The following ATF2 variants were observed in gnomAD, a reference collection of about 807,000 sequenced individuals.
ATF2 encodes the protein cyclic AMP-dependent transcription factor ATF-2.
In ATF2, 24 loss-of-function variants were observed where a neutral mutation model predicts 60.6. The observed-to-expected ratio is 0.40, with a 90% confidence interval of 0.29 to 0.56. ATF2 has a LOEUF of 0.56. Ranked by LOEUF, ATF2 falls within the 20% of genes least tolerant of loss-of-function variation. The pLI, the probability that ATF2 is intolerant of heterozygous loss-of-function variation, is 0.54. For missense variants in ATF2, 433 were observed against 607.7 expected, an observed-to-expected ratio of 0.71 and a Z score of 3.02; for synonymous variants, 206 against 215.4, an observed-to-expected ratio of 0.96 and a Z score of 0.38.
intron 8 of ATF2, 91 bp from the exon 9 acceptor site, chr2:175,114,199 T>C (rs950659515): frequency 6.9e-7 from 1 of 1,439,390 alleles, no homozygotes; most frequent in African/African-American, 1.5e-5. Context: ...CCTATAATCA[T>C]ATCATTTAAA....
chr2:175,134,845 G>A (rs369914313), intron 3 of ATF2, among the ~76,000 whole-genome samples: 2 of 151,464 alleles, frequency 1.3e-5, no homozygotes, highest in African/African-American at 2.4e-5. Flanking sequence ...AGCCACTTGT[G>A]GTAGTGTCGT....
intron 1 of ATF2, among the ~76,000 whole-genome samples, chr2:175,158,087 A>G (rs1332297003): frequency 3.9e-5 from 6 of 152,102 alleles, no homozygotes; most frequent in Non-Finnish European, 7.4e-5. Flanking sequence ...GACTATCTTC[A>G]TACATTCCTG....
In ATF2 at chr2:175,151,400, C is replaced by T. The variant is rs571446886; in HGVS notation, c.-142-242G>A. Among the ~76,000 whole-genome samples, 5 of 152,176 alleles carry T rather than the reference C, an allele frequency of 3.3e-5. No individual in the cohort carries two copies. The South Asian group carries it at 1.0e-3, about 32-fold the overall frequency. On this transcript the variant is annotated intron_variant, in intron 1 of 13. Coordinates refer to ENST00000264110, the MANE Select transcript of ATF2 (RefSeq NM_001880.4). ...GCCTCCCGTAACTCCTGGCATATTA[C>T]CACCTATTAGAGGTATTAACAATTT... is the stretch of plus-strand genomic sequence containing the variant.
intron 4 of ATF2, chr2:175,127,232 C>A (rs1697398911): frequency 6.6e-6 from 1 of 150,380 alleles, no homozygotes; most frequent in African/African-American, 2.5e-5. Context: ...GAGTGAGACC[C>A]TGTCTCGAGA....
At chr2:175,089,651 G>A (rs561384350) in intron 12 of ATF2, among the ~76,000 whole-genome samples, 13 of 152,184 alleles carry the variant, frequency 8.5e-5, no homozygotes, top group African/African-American at 2.4e-4. Flanking sequence ...TCTATTATAG[G>A]CATGTTAACT....
intron 2 of ATF2, among the ~76,000 whole-genome samples, chr2:175,142,953 C>G (rs184946989): frequency 6.6e-6 from 1 of 152,152 alleles, no homozygotes; most frequent in East Asian, 1.9e-4. Flanking sequence ...CTCAAGTGAT[C>G]TTCCCGCCTC....
intron 4 of ATF2, among the ~76,000 whole-genome samples, chr2:175,125,032 C>T (rs1464945792): frequency 6.6e-6 from 1 of 152,038 alleles, no homozygotes; most frequent in Non-Finnish European, 1.5e-5. Flanking sequence ...TTCTATAGGA[C>T]TCTCTCTGAA....
intron 10 of ATF2, among the ~76,000 whole-genome samples, chr2:175,107,527 CTCTCCCTCTCCCTCTCCCCACGG>C (rs1249466809): frequency 2.1e-4 from 27 of 130,820 alleles, no homozygotes; most frequent in African/African-American, 1.0e-3. Context: ...TTGTGGCTCC[CTCTCCCTCTCCCTCTCCCCACGG>C]TCTCCCTCTC....
chr2:175,105,965 T>C (rs1153678), intron 10 of ATF2, among the ~76,000 whole-genome samples: 14,273 of 151,990 alleles, frequency 0.094, 718 homozygotes, highest in Middle Eastern at 0.17. Context: ...ATATCAAAAT[T>C]TGTGCACAGA....
intron 12 of ATF2, among the ~76,000 whole-genome samples, chr2:175,082,824 CTTT>C (rs1307535875): frequency 2.0e-5 from 3 of 151,216 alleles, no homozygotes; most frequent in Non-Finnish European, 3.0e-5. Context: ...ATCCCCTCTT[CTTT>C]GTCTTGCTAA....
At chr2:175,165,835 T>C (rs1700315112) in intron 1 of ATF2, among the ~76,000 whole-genome samples, 1 of 152,218 alleles carries the variant, frequency 6.6e-6, no homozygotes, top group Non-Finnish European at 1.5e-5. Flanking sequence ...CAGCTAATTT[T>C]TGGTATTTTT....
At chr2:175,130,279 G>C in intron 3 of ATF2, 72 bp from the exon 4 acceptor site, 1 of 1,003,772 alleles carries the variant, frequency 1.0e-6, no homozygotes, top group South Asian at 2.4e-5. Flanking sequence ...TAAATCTCAA[G>C]ATTTTTCATT....
At chr2:175,133,610 C>T (rs754246308) in intron 3 of ATF2, among the ~76,000 whole-genome samples, 13 of 152,174 alleles carry the variant, frequency 8.5e-5, no homozygotes, top group Non-Finnish European at 1.2e-4. Flanking sequence ...CAGGACTTTT[C>T]GTGACCTTAA....
At chr2:175,108,341 G>A (rs1167663924) in intron 10 of ATF2, among the ~76,000 whole-genome samples, 8 of 150,512 alleles carry the variant, frequency 5.3e-5, no homozygotes, top group African/African-American at 1.7e-4. Flanking sequence ...ACCCCCGCCC[G>A]GCCAGCCGCC....
intron 3 of ATF2, chr2:175,132,651 A>G (rs1469728132): frequency 6.6e-6 from 1 of 152,222 alleles, no homozygotes; most frequent in Non-Finnish European, 1.5e-5. Context: ...AAAAATCTGC[A>G]TAAGATAGGT....
intron 9 of ATF2, among the ~76,000 whole-genome samples, chr2:175,112,972 C>A (rs994961990): frequency 1.2e-4 from 19 of 152,128 alleles, no homozygotes; most frequent in Non-Finnish European, 8.8e-5. Flanking sequence ...AAAAAACTAT[C>A]TTTTTATTAC....
chr2:175,164,506 C>T (rs1384275272), intron 1 of ATF2, among the ~76,000 whole-genome samples: 1 of 152,068 alleles, frequency 6.6e-6, no homozygotes, highest in Non-Finnish European at 1.5e-5. Flanking sequence ...TGCACTCCAG[C>T]GTGGAAGCCA....
intron 11 of ATF2, among the ~76,000 whole-genome samples, chr2:175,095,934 A>G (rs1694905805): frequency 6.6e-6 from 1 of 152,190 alleles, no homozygotes; most frequent in African/African-American, 2.4e-5. Context: ...CCTGAGGTAT[A>G]ACATTAACAC....
At position 175,097,443 on chromosome 2, in the gene ATF2, C is replaced by A. The variant is rs1341786302; in HGVS notation, c.978+1G>T. On this transcript the variant is annotated splice_donor_variant, in intron 11 of 13. Transcript: ENST00000264110. LOFTEE classifies it high-confidence loss of function. ...CTGAATAATAAAAACAACACACATA[C>A]CGGAGTTTCTGTAGTGGATGTGGCT... 1 of 1,613,714 alleles carries A rather than the reference C, an allele frequency of 6.2e-7. No individual in the cohort carries two copies.
Sources: gnomAD v4.1 joint callset for allele counts (sites outside exome capture counted in the v4.1 genomes callset) on GRCh38, gnomAD v4.1.1 for gene constraint, MANE v1.5 for transcripts, NCBI Gene and HGNC (gene_info 2026-07-23, HGNC 2026-07-21) for gene names.